Variants in TMEM217 observed in about 807,000 individuals in gnomAD.
The protein encoded by TMEM217 is chromosome 6 open reading frame 128.
For synonymous variants in TMEM217, 76 were observed against 88.3 expected, an observed-to-expected ratio of 0.86 and a Z score of 0.78; for missense variants, 204 against 248.8, an observed-to-expected ratio of 0.82 and a Z score of 1.21.
At chr6:37,254,342 T>C (rs1765600795) in intron 1 of TMEM217, among the ~76,000 whole-genome samples, 1 of 152,112 alleles carries the variant, frequency 6.6e-6, no homozygotes, top group African/African-American at 2.4e-5. Flanking sequence ...CTCAAACCAA[T>C]GATTTACACC....
At chr6:37,212,329 G>T (rs867946168) in exon 4 of TMEM217, 30 of 356,792 alleles carry the variant, frequency 8.4e-5, no homozygotes, top group South Asian at 5.4e-4. Flanking sequence ...AAACCAAGCA[G>T]CATCAACAGA....
intron 1 of TMEM217, among the ~76,000 whole-genome samples, chr6:37,254,857 A>G (rs894737981): frequency 6.6e-6 from 1 of 152,110 alleles, no homozygotes; most frequent in African/African-American, 2.4e-5. Flanking sequence ...CTTTTCCATG[A>G]AAATTTTGGG....
chr6:37,256,051 T>TA (rs1765708300), intron 1 of TMEM217, among the ~76,000 whole-genome samples: 1 of 152,214 alleles, frequency 6.6e-6, no homozygotes, highest in African/African-American at 2.4e-5. Flanking sequence ...TATGTCTAGA[T>TA]ACACAAATCA....
At chr6:37,215,245 G>A (rs531534123), downstream of TMEM217, 2 of 1,613,946 alleles carry the variant, frequency 1.2e-6, no homozygotes, top group South Asian at 2.2e-5. Flanking sequence ...GCTGAGCTTG[G>A]CACTGGAGAC....
rs953236253 is a variant in TMEM217 at position 37,218,870 on chromosome 6, T to A, written c.161A>T (p.Asn54Ile). The A allele has an allele frequency of 1.2e-5, 20 of 1,614,090 alleles. No individual in the cohort carries two copies. In the Middle Eastern group the frequency reaches 9.9e-4, roughly 80 times the overall value. ...GCAGATGATGAAGTTATTTATGATG[T>A]TACTTGCACCCCTGTACTTTGGTGT... The change falls in exon 2 of 2, where the codon AAC (asparagine) becomes ATC (isoleucine). Residue 54 changes from asparagine to isoleucine, a missense_variant. By Grantham distance (149) the Asn-to-Ile change is moderately radical (BLOSUM62 -3). Coordinates refer to ENST00000357219, the Ensembl canonical transcript of TMEM217.
At chr6:37,224,338 C>T (rs549479628) in intron 1 of TMEM217, among the ~76,000 whole-genome samples, 89 of 151,544 alleles carry the variant, frequency 5.9e-4, no homozygotes, top group African/African-American at 1.8e-3. Flanking sequence ...GTGGCTCATG[C>T]CTGTAATCCC....
downstream of TMEM217, among the ~76,000 whole-genome samples, chr6:37,215,570 CAAAAAAAAAAAAAAAAAAAA>C (rs34808595): frequency 5.5e-5 from 4 of 72,376 alleles, no homozygotes; most frequent in Non-Finnish European, 7.2e-5. Context: ...GACTCTGTCT[CAAAAAAAAAAAAAAAAAAAA>C]AAAAAAAAAA....
chr6:37,229,897 T>C (rs147780905), intron 1 of TMEM217, among the ~76,000 whole-genome samples: 17 of 152,362 alleles, frequency 1.1e-4, no homozygotes, highest in African/African-American at 2.9e-4. Flanking sequence ...TGGTGGTTTC[T>C]CTGCTCCAGG....
At chr6:37,244,339 G>C (rs1358676442) in intron 1 of TMEM217, among the ~76,000 whole-genome samples, 1 of 152,228 alleles carries the variant, frequency 6.6e-6, no homozygotes, top group African/African-American at 2.4e-5. Flanking sequence ...ACCAGAGGCT[G>C]AAACCCCTAT....
rs527665248 is a variant in TMEM217, at chr6:37,226,394, G to T, written c.-11-7353C>A. The stretch of plus-strand genomic sequence containing the variant: ...TGCAAGCTCCGCCTCCCGGGTTCAC[G>T]CCATTCTCCTGCCTCAGCCTCCCAA... On this transcript the variant is annotated intron_variant, in intron 1 of 1. Coordinates refer to ENST00000357219, the Ensembl canonical transcript of TMEM217. 2.5e-4 allele frequency among the ~76,000 whole-genome samples: 36 copies of T among 141,358 alleles called. 1 individual carries two copies. Among genetic ancestry groups the T allele is most frequent in the South Asian group, 9.6e-4 (4 of 4,162 alleles). The allele number at this position is 141,358 out of a possible 152,430, so 92.7% of individuals were successfully genotyped here.
chr6:37,227,661 G>T (rs1465599128), intron 1 of TMEM217, among the ~76,000 whole-genome samples: 1 of 151,800 alleles, frequency 6.6e-6, no homozygotes, highest in Non-Finnish European at 1.5e-5. Flanking sequence ...GTCCAGGCTG[G>T]TCTCAAACTC....
chr6:37,255,808 T>G (rs1413724955), intron 1 of TMEM217, among the ~76,000 whole-genome samples: 1 of 151,940 alleles, frequency 6.6e-6, no homozygotes, highest in Non-Finnish European at 1.5e-5. Context: ...AAGATTAGGG[T>G]GACCAAGTGG....
chr6:37,213,038 A>G (rs780258811), downstream of TMEM217: 1 of 1,352,378 alleles, frequency 7.4e-7, no homozygotes, highest in East Asian at 2.5e-5. Context: ...AAGATGGCAG[A>G]GGTAGCCTTA....
chr6:37,231,799 A>AT (rs767530044), intron 1 of TMEM217, among the ~76,000 whole-genome samples: 210 of 145,376 alleles, frequency 1.4e-3, no homozygotes, highest in South Asian at 4.8e-3. Context: ...TAAATGTACA[A>AT]TTTTTTTTTT....
chr6:37,226,325 C>T (rs1262249859), intron 1 of TMEM217, among the ~76,000 whole-genome samples: 2 of 119,210 alleles, frequency 1.7e-5, no homozygotes, highest in Admixed American at 1.1e-4. Flanking sequence ...CAGAGTCTCG[C>T]TCTTTCGCCC....
At chr6:37,238,056 T>C (rs1764583767) in intron 1 of TMEM217, among the ~76,000 whole-genome samples, 1 of 151,910 alleles carries the variant, frequency 6.6e-6, no homozygotes, top group African/African-American at 2.4e-5. Flanking sequence ...CAATAACTAA[T>C]ATTTAAAAAG....
At chr6:37,225,026 AC>A (rs1309367675) in intron 1 of TMEM217, among the ~76,000 whole-genome samples, 1 of 150,980 alleles carries the variant, frequency 6.6e-6, no homozygotes, top group East Asian at 1.9e-4. Context: ...AAAAAAAAAA[AC>A]ACCACCACCA....
chr6:37,243,882 G>C (rs568226901), intron 1 of TMEM217, among the ~76,000 whole-genome samples: 1 of 152,244 alleles, frequency 6.6e-6, no homozygotes, highest in East Asian at 1.9e-4. Context: ...GCCTCTGGAT[G>C]GGGGGGTGCA....
intron 1 of TMEM217, among the ~76,000 whole-genome samples, chr6:37,237,943 G>A (rs1403891666): frequency 6.6e-6 from 1 of 152,142 alleles, no homozygotes; most frequent in Non-Finnish European, 1.5e-5. Context: ...GCCAGGGGAG[G>A]AAGTAAAATG....
Sources: allele counts gnomAD v4.1 joint callset (sites outside exome capture counted in the v4.1 genomes callset), GRCh38; gene constraint gnomAD v4.1.1; transcripts MANE v1.5; gene names NCBI Gene and HGNC (gene_info 2026-07-23, HGNC 2026-07-21).